SYT17: variants seen among roughly 807,000 people sequenced by gnomAD.
The protein encoded by SYT17 is synaptotagmin-17.
Under a neutral mutation model 46.7 loss-of-function variants are expected in SYT17, and 22 were observed. The observed-to-expected ratio is 0.47, with a 90% CI of 0.34 to 0.67. The LOEUF is 0.67. SYT17 is among the 30% of genes least tolerant of loss of function. The pLI is 0.01. For synonymous variants in SYT17, 251 were observed against 248.4 expected (o/e 1.01, Z -0.10); for missense variants, 519 against 612.8 (o/e 0.85, Z 1.62).
chr16:19,238,763 C>T (rs1007541774), intron 7 of SYT17, among the ~76,000 whole-genome samples: 1 of 152,098 alleles, frequency 6.6e-6, no homozygotes, highest in Admixed American at 6.5e-5. Context: ...AGGGGTCCAG[C>T]AGAGGCCAGA....
rs1304024844 is a variant in SYT17 at position 19,181,711 on chromosome 16, A to G, written c.331+1172A>G. The stretch of plus-strand genomic sequence containing the variant: ...CTTTCAGGACAGTGAGGAAAAAAAA[A>G]AAAAAAGTCTGGGCGCGGTGGCTCA... On this transcript the variant is annotated intron_variant, in intron 4 of 7. Transcript: ENST00000355377. 3.3e-5 allele frequency among the ~76,000 whole-genome samples: 5 copies of G among 152,254 alleles called. No homozygotes were observed. The East Asian group carries it at 9.6e-4, about 29-fold the overall frequency.
At chr16:19,261,718 T>C (rs1219462833) in intron 7 of SYT17, among the ~76,000 whole-genome samples, 3 of 152,244 alleles carry the variant, frequency 2.0e-5, no homozygotes, top group Admixed American at 2.0e-4. Context: ...TATATTAACA[T>C]TCTTTTTAAC....
chr16:19,184,371 C>T (rs553258553), intron 5 of SYT17, among the ~76,000 whole-genome samples: 75 of 151,844 alleles, frequency 4.9e-4, no homozygotes, highest in African/African-American at 1.7e-3. Context: ...TGGTAACTAA[C>T]CTAGAGCTTA....
chr16:19,210,289 A>C (rs901598965), intron 5 of SYT17, among the ~76,000 whole-genome samples: 1 of 151,890 alleles, frequency 6.6e-6, no homozygotes, highest in African/African-American at 2.4e-5. Context: ...GGAGTCCTGA[A>C]CTCCCGGCTT....
At chr16:19,207,515 C>G (rs1312844468) in intron 5 of SYT17, among the ~76,000 whole-genome samples, 27 of 152,010 alleles carry the variant, frequency 1.8e-4, no homozygotes, top group Admixed American at 1.7e-3. Context: ...ATGGCCAGAG[C>G]AGGAGGAAGA....
At chr16:19,198,470 T>G (rs997959637) in intron 5 of SYT17, among the ~76,000 whole-genome samples, 20 of 152,330 alleles carry the variant, frequency 1.3e-4, no homozygotes, top group East Asian at 1.9e-4. Flanking sequence ...ATAATAATCA[T>G]TGCTAGCTCT....
At chr16:19,247,851 G>T (rs927700889) in intron 7 of SYT17, among the ~76,000 whole-genome samples, 21 of 152,134 alleles carry the variant, frequency 1.4e-4, no homozygotes, top group African/African-American at 5.1e-4. Flanking sequence ...TATTATTTTT[G>T]CAATGAGTGA....
Position 19,232,606 on chromosome 16 carries a change from G to A in SYT17, c.1228+7768G>A, listed in dbSNP as rs747441658. ...AGCACTTTGAGAGGCTGAAGGGGGC[G>A]GATCGTTTGAGTCCAGGAGTTTGAG... On this transcript the variant is annotated intron_variant, in intron 7 of 7. Coordinates refer to ENST00000355377, the MANE Select transcript of SYT17 (RefSeq NM_016524.4). 9.2e-5 allele frequency among the ~76,000 whole-genome samples: 14 copies of A among 152,178 alleles called. 1 individual carries two copies. The highest frequency in any genetic ancestry group is 4.2e-4 in the South Asian group (2 of 4,806).
At chr16:19,231,431 C>T (rs1277497660) in intron 7 of SYT17, among the ~76,000 whole-genome samples, 1 of 133,606 alleles carries the variant, frequency 7.5e-6, no homozygotes, top group South Asian at 2.5e-4. Flanking sequence ...ATTAGCTGGG[C>T]ATGGTGGCGG....
intron 7 of SYT17, among the ~76,000 whole-genome samples, chr16:19,231,220 C>T (rs990807745): frequency 6.6e-6 from 1 of 152,112 alleles, no homozygotes; most frequent in Non-Finnish European, 1.5e-5. Flanking sequence ...CTAGCCTTCT[C>T]CCTCCCTCAG....
At chr16:19,240,411 C>A (rs1967008421) in intron 7 of SYT17, among the ~76,000 whole-genome samples, 1 of 152,142 alleles carries the variant, frequency 6.6e-6, no homozygotes, top group Non-Finnish European at 1.5e-5. Context: ...GAGAGGGTAG[C>A]TTCTCTCTGC....
At chr16:19,250,199 T>C in intron 7 of SYT17, 1 of 993,398 alleles carries the variant, frequency 1.0e-6, no homozygotes, top group Non-Finnish European at 1.4e-6. Flanking sequence ...CATCAGATTC[T>C]GTAATGAACA....
At chr16:19,179,415 A>G (rs555860034) in intron 3 of SYT17, among the ~76,000 whole-genome samples, 34 of 152,154 alleles carry the variant, frequency 2.2e-4, no homozygotes, top group South Asian at 1.2e-3. Context: ...CACAAAGTTT[A>G]CAGCTGTGGG....
At chr16:19,203,387 C>T (rs1227734565) in intron 5 of SYT17, among the ~76,000 whole-genome samples, 2 of 151,588 alleles carry the variant, frequency 1.3e-5, no homozygotes, top group African/African-American at 4.9e-5. Flanking sequence ...GTCCCAGCTA[C>T]TCAGCAGGCT....
intron 5 of SYT17, among the ~76,000 whole-genome samples, chr16:19,190,375 AT>A (rs1305076652): frequency 3.9e-5 from 6 of 152,168 alleles, no homozygotes; most frequent in Non-Finnish European, 8.8e-5. Context: ...CCGTCTCGAA[AT>A]TTAAAAAAAA....
intron 7 of SYT17, among the ~76,000 whole-genome samples, chr16:19,238,866 T>G (rs1244645487): frequency 6.6e-6 from 1 of 152,176 alleles, no homozygotes; most frequent in Non-Finnish European, 1.5e-5. Context: ...GATGAAGGCT[T>G]ATGCAGGAAA....
intron 7 of SYT17, among the ~76,000 whole-genome samples, chr16:19,231,523 CAAAAAAAAAAA>C (rs143448107): frequency 2.8e-4 from 13 of 45,860 alleles, no homozygotes; most frequent in Admixed American, 7.0e-4. Context: ...AACTCCATCA[CAAAAAAAAAAA>C]AAAAAAAAAA....
intron 7 of SYT17, chr16:19,250,036 G>A: frequency 6.5e-7 from 1 of 1,535,522 alleles, no homozygotes; most frequent in Non-Finnish European, 8.7e-7. Flanking sequence ...ACATTTCCAT[G>A]GCATAAAGAA....
At chr16:19,172,340 G>T in intron 1 of SYT17, 2 of 1,375,532 alleles carry the variant, frequency 1.5e-6, no homozygotes, top group Admixed American at 3.6e-5. Context: ...CATCCACTGT[G>T]TGCCTGCCTG....
Sources: allele counts gnomAD v4.1 joint callset (sites outside exome capture counted in the v4.1 genomes callset), GRCh38; gene constraint gnomAD v4.1.1; transcripts MANE v1.5; gene names NCBI Gene and HGNC (gene_info 2026-07-23, HGNC 2026-07-21).